The following CLPX variants were observed in gnomAD, a reference collection of about 807,000 sequenced individuals.
The protein encoded by CLPX is ATP-dependent clpX-like chaperone, mitochondrial.
CLPX carries 34 observed loss-of-function variants against 76.4 expected under a neutral mutation model. The ratio of observed to expected loss-of-function variants is 0.45; its 90% CI spans 0.34 to 0.59. CLPX has a LOEUF of 0.59. Among genes scored for constraint, CLPX ranks in the 20% least tolerant of loss-of-function variants. The probability of loss-of-function intolerance (pLI) is 0.01; values close to 1 mark genes in which losing one functional copy is unlikely to be tolerated. For missense variants in CLPX, 613 were observed against 757.0 expected, an observed-to-expected ratio of 0.81 and a Z score of 2.23; for synonymous variants, 248 against 270.9, an observed-to-expected ratio of 0.92 and a Z score of 0.83.
rs769395536 is a variant in CLPX at position 65,166,703 on chromosome 15, A to G, written c.441T>C (p.Ile147=). Residue 147 remains isoleucine (I), a synonymous_variant, in exon 4 of 14, where the codon ATT becomes ATC. Transcript: ENST00000300107. ...CTTCTGCTGCTGATTCAGGTTCTTT[A>G]ATTATGCTTTTCTTTGAGTCTGCTT... The part of the protein sequence containing the change: ...LSEADSKKSI[I]KEPESAAEAV... The G allele has an allele frequency of 2.5e-6, 4 of 1,613,968 alleles. No individual in the cohort carries two copies. Among genetic ancestry groups the G allele is most frequent in the Non-Finnish European group, 3.4e-6 (4 of 1,180,000 alleles).
At chr15:65,181,851 C>T (rs967747649) in intron 1 of CLPX, among the ~76,000 whole-genome samples, 69 of 151,310 alleles carry the variant, frequency 4.6e-4, no homozygotes, top group African/African-American at 1.5e-3. Flanking sequence ...GGGCCAGGTG[C>T]AGTGACTCAT....
chr15:65,154,676 G>A, intron 11 of CLPX, 106 bp downstream of exon 11: 1 of 762,626 alleles, frequency 1.3e-6, no homozygotes, highest in Non-Finnish European at 2.1e-6. Flanking sequence ...GGAATAGGCT[G>A]GTATTCTAGA....
At chr15:65,175,418 T>A (rs1469791233) in intron 3 of CLPX, among the ~76,000 whole-genome samples, 1 of 152,040 alleles carries the variant, frequency 6.6e-6, no homozygotes, top group Non-Finnish European at 1.5e-5. Context: ...GGCACTTGAA[T>A]CCAGGTGGCA....
intron 7 of CLPX, chr15:65,158,317 C>T (rs1018386993): frequency 6.4e-5 from 24 of 373,582 alleles, no homozygotes; most frequent in South Asian, 1.1e-4. Flanking sequence ...CCACTACATC[C>T]GATCTATTAT....
At chr15:65,183,328 G>A (rs2088203456) in intron 1 of CLPX, among the ~76,000 whole-genome samples, 1 of 151,686 alleles carries the variant, frequency 6.6e-6, no homozygotes, top group Admixed American at 6.6e-5. Context: ...AGGCGTGGTG[G>A]CGGGCGCCTG....
intron 13 of CLPX, 95 bp downstream of exon 13, chr15:65,152,335 T>G (rs1356373327): frequency 3.9e-5 from 18 of 458,144 alleles, no homozygotes; most frequent in Non-Finnish European, 6.7e-5. Context: ...AATATAATAA[T>G]TTTTATGTAA....
In CLPX at chr15:65,151,142, C is replaced by T. The variant is rs375923926; in HGVS notation, c.1812-229G>A. On this transcript the variant is annotated intron_variant, in intron 13 of 13. Transcript: ENST00000300107. ...GGCTGATCACTTGAGGTCAGGAGTTCGAGACCTGCCTGGCCAACATGTTGA... is the reference window on the plus strand; with the variant it reads ...GGCTGATCACTTGAGGTCAGGAGTTTGAGACCTGCCTGGCCAACATGTTGA... Among the ~76,000 whole-genome samples, 126 of 151,884 alleles carry T rather than the reference C, an allele frequency of 8.3e-4. 1 individual carries two copies. The highest frequency in any genetic ancestry group is 2.8e-3 in the African/African-American group (118 of 41,434).
At chr15:65,158,080 C>A (rs1292236689) in intron 7 of CLPX, 170 bp from the exon 8 acceptor site, 3 of 544,744 alleles carry the variant, frequency 5.5e-6, no homozygotes, top group Non-Finnish European at 9.4e-6. Flanking sequence ...GTCACCCAGG[C>A]TGGAGTGCAG....
In CLPX at chr15:65,155,034, A is replaced by G. The variant is rs1473027009; in HGVS notation, c.1359T>C (p.Ala453=). 1.2e-6 allele frequency: 2 copies of G among 1,614,056 alleles called. No homozygotes were observed. Among genetic ancestry groups the G allele is most frequent in the Non-Finnish European group, 1.7e-6 (2 of 1,180,026 alleles). The change falls in exon 11 of 14, where the codon GCT becomes GCC. Residue 453 remains alanine (A), a synonymous_variant. Coordinates refer to ENST00000300107, the MANE Select transcript of CLPX (RefSeq NM_006660.5). ...TPSNLGKGRR[A]AAAADLANRS... ...GATTAGCAAGGTCTGCAGCAGCTGC[A>G]GCCCTTCTGCCTTTTCCCAGATTAG...
chr15:65,166,871 G>T, intron 3 of CLPX, 86 bp from the exon 4 acceptor site: 3 of 1,324,072 alleles, frequency 2.3e-6, no homozygotes, highest in Non-Finnish European at 3.1e-6. Context: ...GTAAATGAAA[G>T]CTACGCACCT....
chr15:65,181,630 G>A (rs890469384), intron 1 of CLPX, among the ~76,000 whole-genome samples: 5 of 151,924 alleles, frequency 3.3e-5, no homozygotes, highest in Non-Finnish European at 7.4e-5. Context: ...ACAGGTGCCT[G>A]TAATCCCAGC....
chr15:65,166,817 A>T, intron 3 of CLPX, 32 bp from the exon 4 acceptor site: 1 of 1,586,438 alleles, frequency 6.3e-7, no homozygotes, highest in Non-Finnish European at 8.6e-7. Context: ...AGTAGAGGGA[A>T]ATAAAAAATA....
intron 2 of CLPX, 76 bp from the exon 3 acceptor site, chr15:65,179,127 C>T: frequency 2.7e-6 from 2 of 729,274 alleles, no homozygotes; most frequent in East Asian, 2.6e-5. Context: ...GTAAACAATA[C>T]TGTTTGTAAT....
chr15:65,176,063 C>T (rs2088087911), intron 3 of CLPX, among the ~76,000 whole-genome samples: 1 of 152,172 alleles, frequency 6.6e-6, no homozygotes, highest in Non-Finnish European at 1.5e-5. Flanking sequence ...TTTCTACTCC[C>T]ATATCACCAC....
chr15:65,181,465 T>A (rs1595948784), intron 1 of CLPX, among the ~76,000 whole-genome samples: 1 of 152,024 alleles, frequency 6.6e-6, no homozygotes, highest in East Asian at 1.9e-4. Context: ...ATAAAAAAAT[T>A]GAAGGAGCCA....
At chr15:65,152,884 AC>A (rs939246279) in intron 12 of CLPX, among the ~76,000 whole-genome samples, 1 of 150,432 alleles carries the variant, frequency 6.6e-6, no homozygotes, top group African/African-American at 2.4e-5. Context: ...GGCATGAGCC[AC>A]CATGCCCAGC....
chr15:65,162,235 T>C (rs1449179281), intron 6 of CLPX, among the ~76,000 whole-genome samples: 1 of 152,132 alleles, frequency 6.6e-6, no homozygotes, highest in African/African-American at 2.4e-5. Flanking sequence ...TACTCATAAT[T>C]TGTAAGACTG....
chr15:65,173,608 G>A (rs1390342259), intron 3 of CLPX, among the ~76,000 whole-genome samples: 1 of 152,104 alleles, frequency 6.6e-6, no homozygotes, highest in Non-Finnish European at 1.5e-5. Context: ...ATGTTCACGG[G>A]AGCATTATTC....
At chr15:65,170,822 C>CTT (rs749248279) in intron 3 of CLPX, among the ~76,000 whole-genome samples, 74,258 of 118,370 alleles carry the variant, frequency 0.63, 25,247 homozygotes, top group East Asian at 0.96. Flanking sequence ...TTCTGTTCTT[C>CTT]TTTTTTTTTT....
Sources: gnomAD v4.1 joint callset for allele counts (sites outside exome capture counted in the v4.1 genomes callset) on GRCh38, gnomAD v4.1.1 for gene constraint, MANE v1.5 for transcripts, NCBI Gene and HGNC (gene_info 2026-07-23, HGNC 2026-07-21) for gene names.